The following ZNF451 variants were observed in gnomAD, a reference collection of about 807,000 sequenced individuals.
The protein encoded by ZNF451 is E3 SUMO-protein ligase ZNF451.
ZNF451 carries 80 observed loss-of-function variants against 107.1 expected under a neutral mutation model. That is an observed-to-expected ratio of 0.75 (90% confidence interval 0.62 to 0.90). The LOEUF (loss-of-function observed/expected upper bound fraction) is 0.90. Among genes scored for constraint, ZNF451 ranks in the 40% least tolerant of loss-of-function variants. ZNF451 has a pLI of 0.00. For missense variants in ZNF451, 1,107 were observed against 1,236.2 expected (o/e 0.90, Z 1.57); for synonymous variants, 362 against 406.5 (o/e 0.89, Z 1.32).
At chr6:57,097,243 A>G (rs1171739435) in intron 2 of ZNF451, among the ~76,000 whole-genome samples, 4 of 152,076 alleles carry the variant, frequency 2.6e-5, no homozygotes, top group Non-Finnish European at 5.9e-5. Context: ...CTCTTGTTTT[A>G]TCTTGGTATC....
chr6:57,154,573 T>A (rs1444306292), intron 13 of ZNF451: 1 of 155,074 alleles, frequency 6.4e-6, no homozygotes, highest in Non-Finnish European at 1.4e-5. Flanking sequence ...TTTGTGAGAT[T>A]GTTCAATGAA....
chr6:57,105,772 G>A (rs915104173), intron 3 of ZNF451: 1 of 985,304 alleles, frequency 1.0e-6, no homozygotes, highest in African/African-American at 1.7e-5. Flanking sequence ...ATAAGTGGAT[G>A]TGTTTACTTG....
At chr6:57,096,047 C>T (rs1450992983) in intron 2 of ZNF451, among the ~76,000 whole-genome samples, 1 of 152,050 alleles carries the variant, frequency 6.6e-6, no homozygotes, top group Non-Finnish European at 1.5e-5. Flanking sequence ...TGGTCTCGAA[C>T]TCATGGCCTC....
intron 7 of ZNF451, 140 bp downstream of exon 7, chr6:57,135,010 A>G: frequency 4.2e-6 from 3 of 721,806 alleles, no homozygotes; most frequent in Non-Finnish European, 6.5e-6. Flanking sequence ...AATTGAAAAT[A>G]AAATGATTTG....
chr6:57,112,783 ATATATTCATATTTCTATT>A (rs887361045), intron 3 of ZNF451, among the ~76,000 whole-genome samples: 1 of 152,194 alleles, frequency 6.6e-6, no homozygotes, highest in Admixed American at 6.5e-5. Context: ...CATGTTCATA[ATATATTCATATTTCTATT>A]AAAGTAATTT....
intron 3 of ZNF451, among the ~76,000 whole-genome samples, chr6:57,122,465 T>C (rs1292405729): frequency 6.6e-6 from 1 of 152,178 alleles, no homozygotes; most frequent in Non-Finnish European, 1.5e-5. Context: ...AGAAAATATT[T>C]GCAAAGTATG....
At chr6:57,159,467 G>A in intron 13 of ZNF451, 5 of 821,004 alleles carry the variant, frequency 6.1e-6, no homozygotes, top group Non-Finnish European at 7.3e-6. Flanking sequence ...ATGTGGCCCA[G>A]TTCAGCTTTG....
At chr6:57,159,524 AGT>A in intron 13 of ZNF451, 6 of 161,170 alleles carry the variant, frequency 3.7e-5, no homozygotes, top group Non-Finnish European at 5.4e-5. Context: ...ACATTATAAG[AGT>A]TTTTTTTTTT....
rs778730443 is a variant in ZNF451, at chr6:57,141,988, T to G, written c.897T>G (p.Phe299Leu). The G allele has an allele frequency of 6.2e-7, 1 of 1,613,972 alleles. No homozygotes were observed. Among genetic ancestry groups the G allele is most frequent in the Non-Finnish European group, 8.5e-7 (1 of 1,179,964 alleles). ...CACATCCAATATCTTTCCCATCTTT[T>G]GCAAAGAAACTTTTGATCTCTCTGT... Reference protein sequence around the residue: ...GIAHPISFPSFAKKLLISLCK... With the variant: ...GIAHPISFPSLAKKLLISLCK... The change falls in exon 9 of 15, where the codon TTT (phenylalanine) becomes TTG (leucine). Residue 299 changes from phenylalanine to leucine, a missense_variant. Coordinates refer to ENST00000370706, the MANE Select transcript of ZNF451 (RefSeq NM_001031623.3).
At chr6:57,099,201 A>G in intron 3 of ZNF451, 60 bp downstream of exon 3, 1 of 1,312,434 alleles carries the variant, frequency 7.6e-7, no homozygotes, top group Non-Finnish European at 1.1e-6. Context: ...GGTATTCTCT[A>G]AAGAGAGTTA....
chr6:57,151,670 A>G (rs1832357342), intron 11 of ZNF451, among the ~76,000 whole-genome samples: 1 of 152,198 alleles, frequency 6.6e-6, no homozygotes, highest in African/African-American at 2.4e-5. Flanking sequence ...TGCTGTTCTT[A>G]AGTGTTCAGC....
rs938471357 is a variant in ZNF451, at chr6:57,108,520, T to G, written c.186+9379T>G. On this transcript the variant is annotated intron_variant, in intron 3 of 14. Transcript: ENST00000370706. ...GTCACTAAACACAGTTTTCAATTCA[T>G]TTTTTTTTACATATTTAATTTACAT... 1.3e-5 allele frequency: 13 copies of G among 979,760 alleles called. No individual in the cohort carries two copies. In the African/African-American group the frequency reaches 2.3e-4, roughly 17 times the overall value. The allele number at this position is 979,760 out of a possible 1,614,324, so 60.7% of individuals were successfully genotyped here. A position where few individuals can be genotyped will look rare whatever the true frequency, so the allele number is the denominator to read the frequency against.
intron 3 of ZNF451, chr6:57,104,967 C>T: frequency 1.0e-6 from 1 of 984,494 alleles, no homozygotes; most frequent in Non-Finnish European, 1.2e-6. Context: ...AGATTAGTTT[C>T]TTGATTGCAA....
intron 9 of ZNF451, among the ~76,000 whole-genome samples, chr6:57,142,747 A>G (rs1831834867): frequency 6.6e-6 from 1 of 152,202 alleles, no homozygotes; most frequent in Non-Finnish European, 1.5e-5. Flanking sequence ...AAGTAGGTTT[A>G]TATTTAACTT....
chr6:57,151,088 G>A (rs904370849), intron 11 of ZNF451: 26 of 446,962 alleles, frequency 5.8e-5, no homozygotes, highest in African/African-American at 4.8e-4. Context: ...TTGGCCGGGC[G>A]CGGTGGCTCA....
intron 7 of ZNF451, among the ~76,000 whole-genome samples, chr6:57,140,913 T>G (rs561620564): frequency 6.6e-6 from 1 of 152,324 alleles, no homozygotes; most frequent in East Asian, 1.9e-4. Flanking sequence ...TGGATAAATT[T>G]GTGGAAGAAT....
chr6:57,137,501 G>A (rs1291382833), intron 7 of ZNF451, among the ~76,000 whole-genome samples: 1 of 152,102 alleles, frequency 6.6e-6, no homozygotes, highest in East Asian at 1.9e-4. Context: ...AAGCTTTTAG[G>A]TGATGCCATT....
At chr6:57,109,018 A>T (rs892476444) in intron 3 of ZNF451, 72 of 985,310 alleles carry the variant, frequency 7.3e-5, no homozygotes, top group Non-Finnish European at 8.3e-5. Context: ...TTACATACAC[A>T]AATCTTTTCA....
intron 3 of ZNF451, chr6:57,105,653 A>G: frequency 1.0e-6 from 1 of 985,316 alleles, no homozygotes; most frequent in Non-Finnish European, 1.2e-6. Context: ...GTGAGTGGCT[A>G]ATTTTGGGGG....
Sources: gnomAD v4.1 joint callset for allele counts (sites outside exome capture counted in the v4.1 genomes callset) on GRCh38, gnomAD v4.1.1 for gene constraint, MANE v1.5 for transcripts, NCBI Gene and HGNC (gene_info 2026-07-23, HGNC 2026-07-21) for gene names.